Variants in MNAT1 observed in about 807,000 individuals in gnomAD.
MNAT1 encodes CDK-activating kinase assembly factor MAT1.
Under a neutral mutation model 42.0 loss-of-function variants are expected in MNAT1, and 43 were observed. The observed-to-expected ratio is 1.02, with a 90% CI of 0.80 to 1.32. MNAT1 has a LOEUF of 1.32. MNAT1 is among the 40% of genes most tolerant of loss of function. The pLI is 0.00. For missense variants in MNAT1, 306 were observed against 350.4 expected (o/e 0.87, Z 1.01); for synonymous variants, 118 against 120.0 (o/e 0.98, Z 0.11).
In MNAT1 at chr14:60,858,397, C is replaced by A. The variant is rs1373701954; in HGVS notation, c.688-21317C>A. Among the ~76,000 whole-genome samples, 3 of 148,544 alleles carry A rather than the reference C, an allele frequency of 2.0e-5. No individual in the cohort carries two copies. The East Asian group carries it at 5.8e-4, about 29-fold the overall frequency. ...TGTTTTGAGAAGTGTCTGTTCTTAT[C>A]CTTTGCCCACTTTTTGATGGGGTTT... On this transcript the variant is annotated intron_variant, in intron 6 of 7. Transcript: ENST00000261245.
chr14:60,887,212 T>C (rs982982174), intron 7 of MNAT1, among the ~76,000 whole-genome samples: 1 of 146,932 alleles, frequency 6.8e-6, no homozygotes, highest in African/African-American at 2.5e-5. Flanking sequence ...TGTTTTTTTT[T>C]CTTGTTTTTG....
rs903712022 is a variant in MNAT1 at position 60,969,607 on chromosome 14, G to A, written c.*1258G>A. On this transcript the variant is annotated 3_prime_UTR_variant, in exon 8 of 8. Transcript: ENST00000261245. ...TAGAATGCAGGTTTTTTTTTTCAAA[G>A]TCCAGTTCCATCTACATTCTACCAG... 2 of 151,360 alleles carry A rather than the reference G, an allele frequency of 1.3e-5. No individual in the cohort carries two copies. Among genetic ancestry groups the A allele is most frequent in the African/African-American group, 2.4e-5 (1 of 41,216 alleles). 9.4% of individuals were successfully genotyped at this position (151,360 alleles called of 1,614,324 possible).
At chr14:60,812,393 T>C (rs2032580356) in intron 5 of MNAT1, among the ~76,000 whole-genome samples, 1 of 152,226 alleles carries the variant, frequency 6.6e-6, no homozygotes, top group African/African-American at 2.4e-5. Context: ...GCTTCCCTAA[T>C]GTATTCTCAG....
intron 1 of MNAT1, among the ~76,000 whole-genome samples, chr14:60,772,995 G>A (rs187147352): frequency 7.9e-5 from 12 of 151,192 alleles, no homozygotes; most frequent in African/African-American, 2.4e-4. Flanking sequence ...GTGCAGTGGC[G>A]TGATCTCGGC....
intron 7 of MNAT1, among the ~76,000 whole-genome samples, chr14:60,890,540 A>G (rs1028811299): frequency 3.3e-5 from 5 of 152,188 alleles, no homozygotes; most frequent in Admixed American, 1.3e-4. Context: ...GCTAAGGAGC[A>G]AGGGAGGAAG....
chr14:60,926,840 G>A (rs1405881427), intron 7 of MNAT1, among the ~76,000 whole-genome samples: 2 of 152,096 alleles, frequency 1.3e-5, no homozygotes, highest in Non-Finnish European at 2.9e-5. Flanking sequence ...GTTCCAGCCT[G>A]CTAACTGCAT....
At chr14:60,742,244 G>A (rs931074246) in intron 1 of MNAT1, among the ~76,000 whole-genome samples, 1 of 151,830 alleles carries the variant, frequency 6.6e-6, no homozygotes, top group Admixed American at 6.6e-5. Flanking sequence ...CACTGCCACA[G>A]CCAGCTAATT....
At chr14:60,919,483 G>A in intron 7 of MNAT1, 1 of 153,698 alleles carries the variant, frequency 6.5e-6, no homozygotes. Flanking sequence ...ATGCAGAATT[G>A]CTGCGTCTTT....
At chr14:60,836,432 CT>C (rs1199361165) in intron 6 of MNAT1, among the ~76,000 whole-genome samples, 1 of 152,146 alleles carries the variant, frequency 6.6e-6, no homozygotes, top group Non-Finnish European at 1.5e-5. Context: ...TGTGGACATC[CT>C]TTTTGTTGAT....
chr14:60,761,975 A>T (rs150021534), intron 1 of MNAT1, among the ~76,000 whole-genome samples: 86 of 152,352 alleles, frequency 5.6e-4, no homozygotes, highest in Non-Finnish European at 9.7e-4. Flanking sequence ...AACTATCTAG[A>T]TCTGTGAACT....
intron 7 of MNAT1, among the ~76,000 whole-genome samples, chr14:60,915,551 G>A (rs956111018): frequency 7.2e-5 from 11 of 152,188 alleles, no homozygotes; most frequent in East Asian, 1.9e-4. Context: ...CTAGGGCTAC[G>A]GAATATGAAA....
intron 7 of MNAT1, among the ~76,000 whole-genome samples, chr14:60,940,210 T>C (rs2036112361): frequency 6.6e-6 from 1 of 152,196 alleles, no homozygotes; most frequent in Admixed American, 6.5e-5. Flanking sequence ...TGTCTTTTAA[T>C]TGGAGCATTT....
chr14:60,772,057 AAG>A (rs1440766235), intron 1 of MNAT1, among the ~76,000 whole-genome samples: 5 of 152,184 alleles, frequency 3.3e-5, no homozygotes, highest in Non-Finnish European at 1.5e-5. Context: ...AGATGAATTA[AAG>A]AGCGCATTTT....
intron 7 of MNAT1, among the ~76,000 whole-genome samples, chr14:60,889,445 T>G (rs1003664773): frequency 6.6e-6 from 1 of 152,028 alleles, no homozygotes; most frequent in Non-Finnish European, 1.5e-5. Flanking sequence ...TATACAAAAA[T>G]TAATTCAAGA....
intron 5 of MNAT1, among the ~76,000 whole-genome samples, chr14:60,813,851 A>G (rs1250579764): frequency 2.0e-5 from 3 of 152,196 alleles, no homozygotes; most frequent in African/African-American, 7.2e-5. Context: ...GTGATTTCCT[A>G]GATAAGAGTA....
chr14:60,819,754 C>G (rs1356381850), intron 6 of MNAT1, among the ~76,000 whole-genome samples: 2 of 152,144 alleles, frequency 1.3e-5, no homozygotes, highest in Admixed American at 6.5e-5. Context: ...GTTCAACTCT[C>G]AACAACCCAT....
chr14:60,871,528 T>C (rs568332382), intron 6 of MNAT1, among the ~76,000 whole-genome samples: 66 of 152,324 alleles, frequency 4.3e-4, no homozygotes, highest in Admixed American at 9.8e-4. Context: ...ATTATTGATG[T>C]TGAGCATCTT....
intron 7 of MNAT1, among the ~76,000 whole-genome samples, chr14:60,963,085 G>A (rs973503713): frequency 4.6e-5 from 7 of 152,038 alleles, no homozygotes; most frequent in African/African-American, 1.2e-4. Context: ...GGGTTCAAGC[G>A]ATTCTCCTGC....
intron 7 of MNAT1, among the ~76,000 whole-genome samples, chr14:60,896,587 G>A (rs1341954068): frequency 4.6e-5 from 7 of 152,000 alleles, no homozygotes; most frequent in Non-Finnish European, 7.4e-5. Context: ...CTGGGTTCAC[G>A]CAACTCTCCT....
Sources: gnomAD v4.1 joint callset for allele counts (sites outside exome capture counted in the v4.1 genomes callset) on GRCh38, gnomAD v4.1.1 for gene constraint, MANE v1.5 for transcripts, NCBI Gene and HGNC (gene_info 2026-07-23, HGNC 2026-07-21) for gene names.